The following COP1 variants were observed in gnomAD, a reference collection of about 807,000 sequenced individuals.
COP1 encodes the protein E3 ubiquitin-protein ligase COP1.
COP1 carries 24 observed loss-of-function variants against 101.3 expected under a neutral mutation model. The observed-to-expected ratio is 0.24, with a 90% CI of 0.17 to 0.33. The LOEUF (loss-of-function observed/expected upper bound fraction) is 0.33. Among genes scored for constraint, COP1 ranks in the 10% least tolerant of loss-of-function variants. The probability of loss-of-function intolerance (pLI) is 1.00; values close to 1 mark genes in which losing one functional copy is unlikely to be tolerated. For missense variants in COP1, 663 were observed against 906.2 expected (o/e 0.73, Z 3.45); for synonymous variants, 347 against 341.9 (o/e 1.01, Z -0.17).
chr1:176,094,533 A>G (rs553150576), intron 9 of COP1, among the ~76,000 whole-genome samples: 12 of 152,084 alleles, frequency 7.9e-5, no homozygotes, highest in Admixed American at 2.6e-4. Flanking sequence ...GACACAAATC[A>G]AACAGAAATA....
rs1280120377 is a variant in COP1, at chr1:176,085,919, T to C, written c.1027-29A>G. On this transcript the variant is annotated intron_variant, in intron 9 of 19. Transcript: ENST00000367669. ...AAATAATAAGAAAAGACACAAAACT[T>C]AGAATAAACAATACTCTTCTTTTGC... is the stretch of plus-strand genomic sequence containing the variant. 2.4e-6 allele frequency: 3 copies of C among 1,274,238 alleles called. No individual in the cohort carries two copies. The Admixed American group carries it at 5.3e-5, about 22-fold the overall frequency. The allele number at this position is 1,274,238 out of a possible 1,614,324, so 78.9% of individuals were successfully genotyped here.
intron 15 of COP1, among the ~76,000 whole-genome samples, chr1:175,992,645 A>G (rs575523940): frequency 4.7e-4 from 72 of 152,312 alleles, no homozygotes; most frequent in African/African-American, 1.6e-3. Context: ...CGCTGACTGC[A>G]AGCACAGCAG....
intron 2 of COP1, among the ~76,000 whole-genome samples, chr1:176,178,149 A>G (rs952285683): frequency 6.6e-6 from 1 of 152,174 alleles, no homozygotes; most frequent in Non-Finnish European, 1.5e-5. Flanking sequence ...CTTTATTTTC[A>G]TTTTTATTAC....
chr1:175,973,673 C>T (rs1343473464), intron 18 of COP1, among the ~76,000 whole-genome samples: 1 of 152,134 alleles, frequency 6.6e-6, no homozygotes, highest in East Asian at 1.9e-4. Context: ...AAAACACCCC[C>T]ATTAGAGATG....
At chr1:176,074,852 C>T (rs1677694689) in intron 11 of COP1, among the ~76,000 whole-genome samples, 2 of 150,662 alleles carry the variant, frequency 1.3e-5, no homozygotes, top group Admixed American at 6.6e-5. Context: ...TAAGTGCATA[C>T]ATATCAGGTC....
intron 9 of COP1, among the ~76,000 whole-genome samples, chr1:176,111,307 G>A (rs1685248072): frequency 6.6e-6 from 1 of 152,012 alleles, no homozygotes; most frequent in South Asian, 2.1e-4. Flanking sequence ...TTTTTTGTGT[G>A]TGTGTGAGAT....
rs1385950298 is a variant in COP1 at position 176,131,461 on chromosome 1, C to T, written c.968+3549G>A. ...TTAAATACATAATCTAAACATAAACCCAGAATCTATGTAAAGGATTCAGTG... is the reference window on the plus strand; with the variant it reads ...TTAAATACATAATCTAAACATAAACTCAGAATCTATGTAAAGGATTCAGTG... On this transcript the variant is annotated intron_variant, in intron 8 of 19. Coordinates refer to ENST00000367669, the MANE Select transcript of COP1 (RefSeq NM_022457.7). 2.0e-5 allele frequency among the ~76,000 whole-genome samples: 3 copies of T among 151,610 alleles called. No individual in the cohort carries two copies. The East Asian group carries it at 5.8e-4, about 29-fold the overall frequency.
At chr1:176,079,917 G>A (rs1033397491) in intron 11 of COP1, among the ~76,000 whole-genome samples, 11 of 151,946 alleles carry the variant, frequency 7.2e-5, no homozygotes, top group African/African-American at 2.7e-4. Flanking sequence ...CAGCTACTCG[G>A]GAAGCTGAGG....
chr1:176,082,683 G>C (rs1679398986), intron 10 of COP1, among the ~76,000 whole-genome samples: 1 of 151,890 alleles, frequency 6.6e-6, no homozygotes, highest in South Asian at 2.1e-4. Flanking sequence ...GAGCATGCCT[G>C]TAATCCTAGC....
rs559001334 is a variant in COP1, at chr1:175,982,576, T to C, written c.2133+4367A>G. The stretch of plus-strand genomic sequence containing the variant: ...TTATGTGGGTTAATTGTTTATGTTA[T>C]TGGTAAGATTTTCAGTCAACAGTAG... On this transcript the variant is annotated intron_variant, in intron 18 of 19. Coordinates refer to ENST00000367669, the MANE Select transcript of COP1 (RefSeq NM_022457.7). Among the ~76,000 whole-genome samples, 3 of 152,330 alleles carry C rather than the reference T, an allele frequency of 2.0e-5. No homozygotes were observed. In the South Asian group the frequency reaches 6.2e-4, roughly 32 times the overall value.
At chr1:176,147,425 T>C (rs939213222) in intron 6 of COP1, among the ~76,000 whole-genome samples, 9 of 152,254 alleles carry the variant, frequency 5.9e-5, no homozygotes, top group Admixed American at 5.9e-4. Context: ...TAATTAAAAC[T>C]AAAATACTCA....
At chr1:176,047,688 T>C (rs1209325258) in intron 11 of COP1, among the ~76,000 whole-genome samples, 2 of 152,206 alleles carry the variant, frequency 1.3e-5, no homozygotes, top group East Asian at 3.8e-4. Flanking sequence ...CAAACATCCA[T>C]TTTCTTAATA....
intron 10 of COP1, among the ~76,000 whole-genome samples, 172 bp from the exon 11 acceptor site, chr1:176,081,459 A>C (rs1428501778): frequency 6.6e-6 from 1 of 152,060 alleles, no homozygotes; most frequent in Admixed American, 6.5e-5. Context: ...AGTTTTAATA[A>C]AAAATGTCTT....
intron 11 of COP1, among the ~76,000 whole-genome samples, chr1:176,048,849 G>A (rs1671972848): frequency 6.6e-6 from 1 of 152,186 alleles, no homozygotes; most frequent in African/African-American, 2.4e-5. Flanking sequence ...ATTACAGGGA[G>A]AAAACTGACA....
At chr1:176,096,233 G>A (rs889477953) in intron 9 of COP1, among the ~76,000 whole-genome samples, 12 of 152,178 alleles carry the variant, frequency 7.9e-5, no homozygotes, top group South Asian at 2.1e-4. Flanking sequence ...TCTCACTTTC[G>A]CTTCTGAGCC....
rs116485888 is a variant in COP1, at chr1:176,035,014, T to C, written c.1613-7326A>G. ...GGACCCAACATCTTACAATATAATA[T>C]TCAAAATGGCTAAGAGACAACCCCA... On this transcript the variant is annotated intron_variant, in intron 14 of 19. Coordinates refer to ENST00000367669, the MANE Select transcript of COP1 (RefSeq NM_022457.7). 3.0e-3 allele frequency among the ~76,000 whole-genome samples: 459 copies of C among 152,210 alleles called. 2 individuals carry two copies. The highest frequency in any genetic ancestry group is 0.01 in the African/African-American group (429 of 41,524).
chr1:176,126,643 G>A (rs1012878995), intron 8 of COP1, among the ~76,000 whole-genome samples: 3 of 151,976 alleles, frequency 2.0e-5, no homozygotes, highest in Non-Finnish European at 2.9e-5. Flanking sequence ...TAGTACAGAC[G>A]AGGTTTCACC....
chr1:176,104,862 A>G (rs907237949), intron 9 of COP1, among the ~76,000 whole-genome samples: 8 of 152,188 alleles, frequency 5.3e-5, no homozygotes, highest in Non-Finnish European at 8.8e-5. Flanking sequence ...TACTGGCTGT[A>G]ATTTCAAAAT....
At chr1:176,098,064 A>G (rs1682739481) in intron 9 of COP1, among the ~76,000 whole-genome samples, 1 of 152,286 alleles carries the variant, frequency 6.6e-6, no homozygotes, top group South Asian at 2.1e-4. Flanking sequence ...GGTAAACTAA[A>G]TTATATAGGT....
Sources: allele counts gnomAD v4.1 joint callset (sites outside exome capture counted in the v4.1 genomes callset), GRCh38; gene constraint gnomAD v4.1.1; transcripts MANE v1.5; gene names NCBI Gene and HGNC (gene_info 2026-07-23, HGNC 2026-07-21).